Variants in AOAH observed in about 807,000 individuals in gnomAD.
The protein encoded by AOAH is acyloxyacyl hydrolase (neutrophil).
AOAH carries 64 observed loss-of-function variants against 92.2 expected under a neutral mutation model. The ratio of observed to expected loss-of-function variants is 0.69; its 90% confidence interval spans 0.57 to 0.86. The LOEUF (loss-of-function observed/expected upper bound fraction) is 0.86, where lower values mean the gene tolerates loss of function less well. Ranked by LOEUF, AOAH falls within the 40% of genes least tolerant of loss-of-function variation. AOAH has a pLI of 0.00. For missense variants in AOAH, 656 were observed against 694.6 expected (o/e 0.94, Z 0.62); for synonymous variants, 263 against 254.5 (o/e 1.03, Z -0.32).
At chr7:36,534,455 A>G (rs1441938154) in intron 16 of AOAH, among the ~76,000 whole-genome samples, 2 of 152,186 alleles carry the variant, frequency 1.3e-5, no homozygotes, top group African/African-American at 2.4e-5. Flanking sequence ...GCAATGAATC[A>G]GTGTCCCTCC....
rs1251468787 is a variant in AOAH, at chr7:36,548,646, T to C, written c.1099A>G (p.Ile367Val). The stretch of plus-strand genomic sequence containing the variant: ...ACATCATTTCCAATCATGGCATATA[T>C]AACGATGGCGGGATAGTCCAACACC... ...NKVLDYPAIV[I>V]YAMIGNDVCS... The change falls in exon 15 of 21, where the codon ATA becomes GTA. Residue 367 changes from isoleucine (I) to valine (V), a missense_variant. By Grantham distance (29) the Ile-to-Val change is conservative (BLOSUM62 3). Coordinates refer to ENST00000617537, the MANE Select transcript of AOAH (RefSeq NM_001637.4). 2 of 1,613,778 alleles carry C rather than the reference T, an allele frequency of 1.2e-6. No homozygotes were observed. Among genetic ancestry groups the C allele is most frequent in the Non-Finnish European group, 1.7e-6 (2 of 1,179,762 alleles).
chr7:36,529,098 A>G lies in AOAH; in HGVS notation c.1522+1320T>C, dbSNP rs1784549908. 7.9e-5 allele frequency among the ~76,000 whole-genome samples: 12 copies of G among 152,318 alleles called. No homozygotes were observed. The South Asian group carries it at 2.3e-3, about 29-fold the overall frequency. The stretch of plus-strand genomic sequence containing the variant: ...GGAGGATGACACATTATTTCATAGA[A>G]TCATCACAGAGATTTGTTAGGAAGA... On this transcript the variant is annotated intron_variant, in intron 19 of 20. Coordinates refer to ENST00000617537, the MANE Select transcript of AOAH (RefSeq NM_001637.4).
intron 12 of AOAH, among the ~76,000 whole-genome samples, chr7:36,578,608 C>G (rs1489578953): frequency 1.3e-5 from 2 of 152,200 alleles, no homozygotes; most frequent in Non-Finnish European, 2.9e-5. Flanking sequence ...TTCTCCTCAT[C>G]TCTAAGTAAC....
rs941144950 is a variant in AOAH, at chr7:36,536,266, CCT to C, written c.1307-3924_1307-3923del. On this transcript the variant is annotated intron_variant, in intron 16 of 20. Transcript: ENST00000617537. ...ACTGACCAGGGGGTCTCCTACCATG[CCT>C]CTGTTTCCTGAACGCTTTCTTAATT... Among the ~76,000 whole-genome samples, 26 of 152,314 alleles carry C rather than the reference CCT, an allele frequency of 1.7e-4. 1 individual carries two copies. The highest frequency in any genetic ancestry group is 5.8e-4 in the African/African-American group (24 of 41,580).
chr7:36,709,563 T>C (rs920349631), intron 1 of AOAH, among the ~76,000 whole-genome samples: 1 of 152,182 alleles, frequency 6.6e-6, no homozygotes, highest in African/African-American at 2.4e-5. Context: ...GCGATCATCA[T>C]CAGAATTCTC....
chr7:36,579,374 C>T (rs909848070), intron 12 of AOAH, among the ~76,000 whole-genome samples: 1 of 149,154 alleles, frequency 6.7e-6, no homozygotes, highest in Non-Finnish European at 1.5e-5. Context: ...TGAACCCCGC[C>T]CCCCCCAAAT....
At chr7:36,668,237 T>C (rs184265657) in intron 3 of AOAH, among the ~76,000 whole-genome samples, 2 of 152,290 alleles carry the variant, frequency 1.3e-5, no homozygotes, top group African/African-American at 4.8e-5. Flanking sequence ...GAGAAATCAG[T>C]TGAACTCTTG....
intron 12 of AOAH, among the ~76,000 whole-genome samples, chr7:36,582,990 G>T (rs570179311): frequency 1.3e-5 from 2 of 151,964 alleles, no homozygotes; most frequent in Non-Finnish European, 2.9e-5. Context: ...GATTATAAGC[G>T]CATGCCACCA....
At position 36,522,023 on chromosome 7, in the gene AOAH, A is replaced by G. The variant is rs1784129480; in HGVS notation, c.1599+16T>C. On this transcript the variant is annotated intron_variant, in intron 20 of 20. Transcript: ENST00000617537. ...CATCAAATAGCCTTCTGCAGCCACC[A>G]TGTGACTGTGCTTACCTCGTTGGGG... 3 of 1,609,348 alleles carry G rather than the reference A, an allele frequency of 1.9e-6. No homozygotes were observed. In the African/African-American group the frequency reaches 4.0e-5, roughly 22 times the overall value.
At chr7:36,538,184 C>T (rs1007078276) in intron 16 of AOAH, among the ~76,000 whole-genome samples, 1 of 151,906 alleles carries the variant, frequency 6.6e-6, no homozygotes, top group South Asian at 2.1e-4. Flanking sequence ...TGTGCCACCA[C>T]ACCCTGCTAA....
In AOAH at chr7:36,618,808, T is replaced by A. The variant is rs542156416; in HGVS notation, c.703-463A>T. 2.7e-4 allele frequency among the ~76,000 whole-genome samples: 41 copies of A among 152,358 alleles called. No homozygotes were observed. In the South Asian group the frequency reaches 8.5e-3, roughly 32 times the overall value. On this transcript the variant is annotated intron_variant, in intron 9 of 20. Transcript: ENST00000617537. ...TTAGCCCCTGAGGACATTGGCAATGTCTGGAGACATTTTTTGCTGGGGGAG... is the reference window on the plus strand; with the variant it reads ...TTAGCCCCTGAGGACATTGGCAATGACTGGAGACATTTTTTGCTGGGGGAG...
At chr7:36,723,735 G>A (rs1799797394) in intron 1 of AOAH, among the ~76,000 whole-genome samples, 2 of 152,122 alleles carry the variant, frequency 1.3e-5, no homozygotes, top group African/African-American at 4.8e-5. Context: ...GACTAAAATA[G>A]CCTGAAATAA....
chr7:36,600,385 G>C (rs1031126239), intron 11 of AOAH, among the ~76,000 whole-genome samples: 5 of 152,042 alleles, frequency 3.3e-5, no homozygotes, highest in Non-Finnish European at 5.9e-5. Context: ...CTTATGATGA[G>C]CACCTTCCCT....
chr7:36,553,752 T>C (rs1487145415), intron 13 of AOAH, among the ~76,000 whole-genome samples: 3 of 152,302 alleles, frequency 2.0e-5, no homozygotes, highest in South Asian at 2.1e-4. Context: ...GAGCATTTTT[T>C]CATCTGTCTT....
chr7:36,526,642 T>G (rs1333447030), intron 19 of AOAH, among the ~76,000 whole-genome samples: 2 of 152,244 alleles, frequency 1.3e-5, no homozygotes, highest in Non-Finnish European at 2.9e-5. Flanking sequence ...TCTTGAATGA[T>G]CATGGATGAT....
intron 11 of AOAH, among the ~76,000 whole-genome samples, chr7:36,611,842 GC>G (rs1215373728): frequency 6.6e-6 from 1 of 152,174 alleles, no homozygotes; most frequent in Non-Finnish European, 1.5e-5. Context: ...GAAGCACACG[GC>G]CCTTCCTGAC....
At position 36,666,788 on chromosome 7, in the gene AOAH, A is replaced by C. The variant is rs555506800; in HGVS notation, c.290+7155T>G. On this transcript the variant is annotated intron_variant, in intron 3 of 20. Coordinates refer to ENST00000617537, the MANE Select transcript of AOAH (RefSeq NM_001637.4). ...TTATTTTCAATTTTATTTAGTTCAA[A>C]ATACCTTAAAATTTCTTTTGAGATT... Among the ~76,000 whole-genome samples, 26 of 152,224 alleles carry C rather than the reference A, an allele frequency of 1.7e-4. No individual in the cohort carries two copies. In the South Asian group the frequency reaches 5.4e-3, roughly 32 times the overall value.
intron 13 of AOAH, among the ~76,000 whole-genome samples, chr7:36,551,302 G>A (rs1786235073): frequency 6.6e-6 from 1 of 152,080 alleles, no homozygotes; most frequent in Non-Finnish European, 1.5e-5. Context: ...TCGAACTCCT[G>A]ACCTCATGAT....
chr7:36,681,159 T>G (rs1796619666), intron 2 of AOAH, among the ~76,000 whole-genome samples: 1 of 152,246 alleles, frequency 6.6e-6, no homozygotes, highest in South Asian at 2.1e-4. Flanking sequence ...AAAACAAAGC[T>G]TAATGATAAC....
Sources: gnomAD v4.1 joint callset for allele counts (sites outside exome capture counted in the v4.1 genomes callset) on GRCh38, gnomAD v4.1.1 for gene constraint, MANE v1.5 for transcripts, NCBI Gene and HGNC (gene_info 2026-07-23, HGNC 2026-07-21) for gene names.